Variants in GOLT1A observed in about 807,000 individuals in gnomAD.
GOLT1A encodes vesicle transport protein GOT1A.
In GOLT1A, 10 loss-of-function variants were observed where a neutral mutation model predicts 16.1. That is an observed-to-expected ratio of 0.62 (90% confidence interval 0.38 to 1.05). The LOEUF (loss-of-function observed/expected upper bound fraction) is 1.05. Among genes scored for constraint, GOLT1A ranks in the 50% least tolerant of loss-of-function variants. GOLT1A has a pLI of 0.01. For missense variants in GOLT1A, 137 were observed against 165.7 expected (o/e 0.83, Z 0.95); for synonymous variants, 60 against 67.9 (o/e 0.88, Z 0.57).
chr1:204,198,550 A>G (rs1423638302), intron 4 of GOLT1A, 54 bp from the exon 5 acceptor site: 70 of 1,540,140 alleles, frequency 4.5e-5, no homozygotes, highest in Non-Finnish European at 5.9e-5. Flanking sequence ...CAGATGCAAT[A>G]TCTAGTTATT....
rs1571677652 is a variant in GOLT1A at position 204,208,440 on chromosome 1, A to G, written c.25+5442T>C. Among the ~76,000 whole-genome samples, 592 of 79,432 alleles carry G rather than the reference A, an allele frequency of 7.5e-3. 3 individuals are homozygous for G. Among genetic ancestry groups the G allele is most frequent in the Non-Finnish European group, 0.011 (352 of 31,176 alleles). 52.1% of individuals were successfully genotyped at this position (79,432 alleles called of 152,430 possible). ...TATACATATGTGTATATGTATACAT[A>G]TGTGTGTATATATGTATACTTGTGT... is the stretch of plus-strand genomic sequence containing the variant. On this transcript the variant is annotated intron_variant, in intron 1 of 4. Coordinates refer to ENST00000308302, the MANE Select transcript of GOLT1A (RefSeq NM_198447.2).
At chr1:204,204,438 G>A (rs1453995714) in intron 1 of GOLT1A, among the ~76,000 whole-genome samples, 1 of 152,010 alleles carries the variant, frequency 6.6e-6, no homozygotes, top group Non-Finnish European at 1.5e-5. Flanking sequence ...TTATCATAAC[G>A]TTCTCAAGGT....
intron 1 of GOLT1A, among the ~76,000 whole-genome samples, chr1:204,206,129 A>G (rs1659035804): frequency 6.6e-6 from 1 of 152,212 alleles, no homozygotes; most frequent in African/African-American, 2.4e-5. Flanking sequence ...TTATAGACTG[A>G]AACCTTGCTC....
chr1:204,199,053 C>A, intron 4 of GOLT1A, 142 bp downstream of exon 4: 1 of 688,768 alleles, frequency 1.5e-6, no homozygotes, highest in South Asian at 1.8e-5. Flanking sequence ...GAGCCTAAAG[C>A]ACCAAACCTG....
At chr1:204,204,115 A>T (rs1659005773) in intron 1 of GOLT1A, among the ~76,000 whole-genome samples, 1 of 152,244 alleles carries the variant, frequency 6.6e-6, no homozygotes, top group Admixed American at 6.5e-5. Flanking sequence ...GTCAATAAAT[A>T]AAAATTCATT....
intron 1 of GOLT1A, among the ~76,000 whole-genome samples, chr1:204,203,464 C>G (rs914898419): frequency 1.3e-5 from 2 of 152,202 alleles, no homozygotes; most frequent in African/African-American, 4.8e-5. Context: ...CCACCCAGCT[C>G]TCCTGGTCCT....
In GOLT1A at chr1:204,213,608, G is replaced by A. The variant is rs535274919; in HGVS notation, c.25+274C>T. 1.7e-4 allele frequency among the ~76,000 whole-genome samples: 26 copies of A among 152,334 alleles called. No homozygotes were observed. In the South Asian group the frequency reaches 5.2e-3, roughly 30 times the overall value. Reference sequence around the variant, plus strand: ...TGTGGCAACCCAGTTCTAAGAACCCGGGATGGGAAAGGGGTCAGTGTGAAT... The same window carrying A: ...TGTGGCAACCCAGTTCTAAGAACCCAGGATGGGAAAGGGGTCAGTGTGAAT... On this transcript the variant is annotated intron_variant, in intron 1 of 4. Coordinates refer to ENST00000308302, the MANE Select transcript of GOLT1A (RefSeq NM_198447.2).
intron 1 of GOLT1A, among the ~76,000 whole-genome samples, chr1:204,212,734 A>G (rs1659158113): frequency 6.6e-6 from 1 of 151,960 alleles, no homozygotes; most frequent in Non-Finnish European, 1.5e-5. Flanking sequence ...TCTTTTAAAC[A>G]TAGAAATAGA....
chr1:204,198,313 C>G lies in GOLT1A; in HGVS notation c.*145G>C. On this transcript the variant is annotated 3_prime_UTR_variant, in exon 5 of 5. Coordinates refer to ENST00000308302, the MANE Select transcript of GOLT1A (RefSeq NM_198447.2). ...CGACTTGGGGATTTGACGTCAGTTG[C>G]TCAGCTCCATTCCTTCCTTCTGGAC... The G allele has an allele frequency of 2.7e-6, 2 of 734,508 alleles. No individual in the cohort carries two copies. The highest frequency in any genetic ancestry group is 3.5e-5 in the South Asian group (2 of 57,104). 45.5% of individuals were successfully genotyped at this position (734,508 alleles called of 1,614,324 possible). A position where few individuals can be genotyped will look rare whatever the true frequency, so the allele number is the denominator to read the frequency against.
chr1:204,200,826 A>C (rs973139951), intron 3 of GOLT1A, among the ~76,000 whole-genome samples: 4 of 152,138 alleles, frequency 2.6e-5, no homozygotes, highest in Non-Finnish European at 4.4e-5. Context: ...TGCAGAAGCC[A>C]TCATTCTTCC....
intron 4 of GOLT1A, 114 bp downstream of exon 4, chr1:204,199,081 G>C: frequency 2.3e-6 from 2 of 877,284 alleles, no homozygotes. Flanking sequence ...GGGTCTGAGG[G>C]GAGACAGGGG....
Position 204,201,713 on chromosome 1 carries a change from C to A in GOLT1A, c.216G>T (p.Leu72=). 1.2e-6 allele frequency: 2 copies of A among 1,614,174 alleles called. No individual in the cohort carries two copies. Among genetic ancestry groups the A allele is most frequent in the Non-Finnish European group, 1.7e-6 (2 of 1,180,022 alleles). Residue 72 remains leucine (L), a synonymous_variant, in exon 3 of 5, where the codon CTG becomes CTT. Transcript: ENST00000308302. ...GTAGGAGCACGATAACCACACCCCC[C>A]AGGAGGAAGCTGGTTCCCTTGAGTT... ...RHKLKGTSFL[L]GGVVIVLLRW...
rs1400301689 is a variant in GOLT1A at position 204,200,339 on chromosome 1, TTGA to T, written c.297-1084_297-1082del. Among the ~76,000 whole-genome samples, 87 of 56,502 alleles carry T rather than the reference TTGA, an allele frequency of 1.5e-3. 2 individuals carry two copies. Among genetic ancestry groups the T allele is most frequent in the African/African-American group, 6.2e-3 (67 of 10,854 alleles). 37.1% of individuals were successfully genotyped at this position (56,502 alleles called of 152,430 possible). ...TATATATGTTTTTGTTTTTTTTTTT[TTGA>T]GAGAGAGAGTCTCGGTCTGTCACCC... On this transcript the variant is annotated intron_variant, in intron 3 of 4. Transcript: ENST00000308302.
chr1:204,199,335 C>T (rs1190134986), intron 3 of GOLT1A, 77 bp from the exon 4 acceptor site: 2 of 1,175,656 alleles, frequency 1.7e-6, no homozygotes, highest in Non-Finnish European at 2.5e-6. Context: ...CTGAGGTCCA[C>T]TGAAAGGTTC....
chr1:204,207,433 C>G (rs945162211), intron 1 of GOLT1A, among the ~76,000 whole-genome samples: 6 of 152,360 alleles, frequency 3.9e-5, no homozygotes, highest in Middle Eastern at 3.4e-3. Flanking sequence ...GATGGCTGCA[C>G]TGGTGCCCTT....
intron 1 of GOLT1A, among the ~76,000 whole-genome samples, chr1:204,207,507 G>C (rs188479989): frequency 5.1e-4 from 78 of 152,300 alleles, no homozygotes; most frequent in Non-Finnish European, 7.4e-5. Flanking sequence ...CACCCGATAC[G>C]GACAAGCCAG....
At chr1:204,209,211 G>C (rs928845419) in intron 1 of GOLT1A, among the ~76,000 whole-genome samples, 7 of 152,214 alleles carry the variant, frequency 4.6e-5, no homozygotes, top group Admixed American at 1.3e-4. Context: ...CACAAGATGT[G>C]ATGCTGTATT....
chr1:204,201,568 G>T, intron 3 of GOLT1A, 65 bp downstream of exon 3: 1 of 1,524,508 alleles, frequency 6.6e-7, no homozygotes, highest in Non-Finnish European at 9.0e-7. Flanking sequence ...ACTCCCTGCT[G>T]GGGTGATCTC....
chr1:204,201,814 G>C lies in GOLT1A; in HGVS notation c.118-3C>G. 1 of 1,613,692 alleles carries C rather than the reference G, an allele frequency of 6.2e-7. No individual in the cohort carries two copies. On this transcript the variant is annotated splice_polypyrimidine_tract_variant and splice_region_variant and intron_variant, in intron 2 of 4. Transcript: ENST00000308302. ...GACAGGCCCGTCAGGAACAGCAGCT[G>C]TAGGGGAGGGAGGGGAGCATGAAGC...
Sources: gnomAD v4.1 joint callset for allele counts (sites outside exome capture counted in the v4.1 genomes callset) on GRCh38, gnomAD v4.1.1 for gene constraint, MANE v1.5 for transcripts, NCBI Gene and HGNC (gene_info 2026-07-23, HGNC 2026-07-21) for gene names.